EYS: variants seen among roughly 807,000 people sequenced by gnomAD.
EYS encodes the protein protein eyes shut homolog.
In EYS, 250 loss-of-function variants were observed where a neutral mutation model predicts 282.1. The observed-to-expected ratio is 0.89, with a 90% CI of 0.80 to 0.98. EYS has a LOEUF of 0.98. EYS is among the 50% of genes least tolerant of loss of function. The pLI is 0.00. For synonymous variants in EYS, 1,355 were observed against 1,282.9 expected (o/e 1.06, Z -1.20); for missense variants, 4,016 against 3,709.0 (o/e 1.08, Z -2.15).
chr6:64,933,027 G>T (rs1351602562), intron 15 of EYS, among the ~76,000 whole-genome samples: 1 of 152,000 alleles, frequency 6.6e-6, no homozygotes, highest in Non-Finnish European at 1.5e-5. Flanking sequence ...AAAAGTATGG[G>T]CCATGCACAG....
intron 18 of EYS, among the ~76,000 whole-genome samples, chr6:64,898,944 C>T (rs1056739360): frequency 6.6e-6 from 1 of 151,000 alleles, no homozygotes; most frequent in Non-Finnish European, 1.5e-5. Context: ...CAGGAGCACC[C>T]AGATTAATAA....
intron 14 of EYS, among the ~76,000 whole-genome samples, chr6:64,996,445 C>T (rs976944491): frequency 1.2e-4 from 19 of 152,108 alleles, no homozygotes; most frequent in East Asian, 5.8e-4. Context: ...GAGCAGGCGA[C>T]GAAATCTTTC....
intron 12 of EYS, among the ~76,000 whole-genome samples, chr6:65,123,997 T>G (rs1775644677): frequency 7.9e-6 from 1 of 126,988 alleles, no homozygotes; most frequent in Admixed American, 7.5e-5. Flanking sequence ...CTGGGCATCA[T>G]GGTGAAATCT....
chr6:64,824,796 T>G (rs550244447), intron 19 of EYS, among the ~76,000 whole-genome samples: 14 of 152,006 alleles, frequency 9.2e-5, no homozygotes, highest in African/African-American at 2.9e-4. Context: ...CAAACATGTC[T>G]CAGTTTAGCT....
intron 11 of EYS, among the ~76,000 whole-genome samples, chr6:65,301,947 A>G (rs1220700408): frequency 1.3e-5 from 2 of 152,270 alleles, no homozygotes; most frequent in Non-Finnish European, 2.9e-5. Context: ...AAAATTGACT[A>G]GTATTAAGTG....
chr6:63,833,128 C>T (rs1771693741), intron 36 of EYS, among the ~76,000 whole-genome samples: 2 of 152,150 alleles, frequency 1.3e-5, no homozygotes, highest in South Asian at 4.1e-4. Context: ...TGGGCAAAAA[C>T]TGGAAGCATT....
At chr6:65,490,149 C>T (rs551763684) in intron 5 of EYS, 1 of 154,060 alleles carries the variant, frequency 6.5e-6, no homozygotes, top group Non-Finnish European at 1.4e-5. Context: ...ATTTCATCTG[C>T]ATATTTTATA....
intron 37 of EYS, among the ~76,000 whole-genome samples, chr6:63,805,410 C>T (rs1770879206): frequency 6.6e-6 from 1 of 152,122 alleles, no homozygotes; most frequent in South Asian, 2.1e-4. Context: ...GAATGGTTTT[C>T]TTTGAGGGCA....
At chr6:64,314,114 A>C (rs1340381538) in intron 29 of EYS, among the ~76,000 whole-genome samples, 1 of 149,486 alleles carries the variant, frequency 6.7e-6, no homozygotes, top group Non-Finnish European at 1.5e-5. Flanking sequence ...TGCTGTATTC[A>C]GGAGACCCAT....
Position 65,403,998 on chromosome 6 carries a change from C to A in EYS, c.1056+1176G>T, listed in dbSNP as rs185228446. On this transcript the variant is annotated intron_variant, in intron 6 of 42. Coordinates refer to ENST00000503581, the MANE Select transcript of EYS (RefSeq NM_001142800.2). ...TAGTAGCTTGAAGCAACAACAACAA[C>A]AAAAAATCATTATCTTAGAGTTCCA... 2.9e-3 allele frequency among the ~76,000 whole-genome samples: 439 copies of A among 152,076 alleles called. 4 individuals carry two copies. Among genetic ancestry groups the A allele is most frequent in the African/African-American group, 0.01 (424 of 41,512 alleles).
intron 35 of EYS, among the ~76,000 whole-genome samples, chr6:63,887,641 T>C (rs1356956061): frequency 6.6e-6 from 1 of 152,156 alleles, no homozygotes; most frequent in Non-Finnish European, 1.5e-5. Context: ...ACTACACTTT[T>C]CCCATGGTCT....
intron 5 of EYS, among the ~76,000 whole-genome samples, chr6:65,451,660 A>T: frequency 6.6e-6 from 1 of 152,070 alleles, no homozygotes; most frequent in East Asian, 1.9e-4. Context: ...ACAATAAAAA[A>T]TAAAGTTAGC....
intron 22 of EYS, among the ~76,000 whole-genome samples, chr6:64,688,776 C>T (rs1199675604): frequency 6.6e-6 from 1 of 152,036 alleles, no homozygotes; most frequent in African/African-American, 2.4e-5. Context: ...TCCTGGATAT[C>T]CTTGTTAACT....
rs1480780092 is a variant in EYS at position 64,892,271 on chromosome 6, G to T, written c.2847-5429C>A. ...TAATAAGTAGATGTATTATTTGTAT[G>T]CTTCTGAAGTTATTTTAAAATATAA... is the stretch of plus-strand genomic sequence containing the variant. On this transcript the variant is annotated intron_variant, in intron 18 of 42. Transcript: ENST00000503581. Among the ~76,000 whole-genome samples the T allele has an allele frequency of 4.0e-5, 6 of 151,804 alleles. No individual in the cohort carries two copies. The East Asian group carries it at 1.2e-3, about 29-fold the overall frequency.
intron 14 of EYS, among the ~76,000 whole-genome samples, chr6:64,982,622 T>C (rs1403348232): frequency 1.3e-5 from 2 of 151,250 alleles, no homozygotes; most frequent in Non-Finnish European, 3.0e-5. Context: ...TGAGTCCTAA[T>C]AGAGACACAT....
intron 19 of EYS, among the ~76,000 whole-genome samples, chr6:64,879,192 C>T (rs146984663): frequency 8.3e-4 from 126 of 152,194 alleles, no homozygotes; most frequent in African/African-American, 2.7e-3. Flanking sequence ...TCTATCTCCA[C>T]CTATCATTTC....
intron 12 of EYS, among the ~76,000 whole-genome samples, chr6:65,071,324 A>G (rs1773896647): frequency 6.6e-6 from 1 of 151,906 alleles, no homozygotes; most frequent in Non-Finnish European, 1.5e-5. Context: ...CTTTCAGCCT[A>G]TTTGATATCA....
intron 26 of EYS, among the ~76,000 whole-genome samples, chr6:64,531,311 A>C (rs1418274860): frequency 6.6e-6 from 1 of 152,054 alleles, no homozygotes; most frequent in Non-Finnish European, 1.5e-5. Flanking sequence ...TAGCAGAGAA[A>C]CAGGAGAGGA....
chr6:64,125,681 G>A (rs920921514), intron 31 of EYS, among the ~76,000 whole-genome samples: 5 of 151,194 alleles, frequency 3.3e-5, no homozygotes, highest in African/African-American at 1.2e-4. Context: ...AGCTACTCAG[G>A]AGAGTGAGGC....
Sources: allele counts gnomAD v4.1 joint callset (sites outside exome capture counted in the v4.1 genomes callset), GRCh38; gene constraint gnomAD v4.1.1; transcripts MANE v1.5; gene names NCBI Gene and HGNC (gene_info 2026-07-23, HGNC 2026-07-21).